Variants in LUZP2 observed in about 807,000 individuals in gnomAD.
LUZP2 encodes leucine zipper protein 2.
LUZP2 carries 52 observed loss-of-function variants against 51.6 expected under a neutral mutation model. The observed-to-expected ratio is 1.01, with a 90% CI of 0.81 to 1.27. The LOEUF is 1.27. Among genes scored for constraint, LUZP2 ranks in the 50% most tolerant of loss-of-function variants. The pLI is 0.00. For synonymous variants in LUZP2, 154 were observed against 137.3 expected, an observed-to-expected ratio of 1.12 and a Z score of -0.85; for missense variants, 436 against 395.4, an observed-to-expected ratio of 1.10 and a Z score of -0.87.
At chr11:24,662,349 A>C (rs931502138) in intron 1 of LUZP2, among the ~76,000 whole-genome samples, 2 of 152,170 alleles carry the variant, frequency 1.3e-5, no homozygotes, top group Non-Finnish European at 2.9e-5. Flanking sequence ...ATGTAGAGAA[A>C]TATTAAAAGG....
chr11:24,732,826 A>G (rs1462732219), intron 3 of LUZP2, among the ~76,000 whole-genome samples: 1 of 151,714 alleles, frequency 6.6e-6, no homozygotes, highest in East Asian at 1.9e-4. Context: ...AGGTTTGTAT[A>G]TATTTTCTTG....
Position 24,995,008 on chromosome 11 carries a change from C to T in LUZP2, c.765+11715C>T, listed in dbSNP as rs77632791. ...TTACACAAATAAGAATACCATAAAA[C>T]GTTTTATTTTCATTTTTCATTGTCA... On this transcript the variant is annotated intron_variant, in intron 9 of 11. Transcript: ENST00000336930. Among the ~76,000 whole-genome samples, 444 of 152,178 alleles carry T rather than the reference C, an allele frequency of 2.9e-3. 3 individuals carry two copies. The highest frequency in any genetic ancestry group is 1.0e-2 in the African/African-American group (414 of 41,526).
intron 5 of LUZP2, among the ~76,000 whole-genome samples, chr11:24,789,076 G>A (rs1252529131): frequency 6.6e-6 from 1 of 152,156 alleles, no homozygotes; most frequent in Non-Finnish European, 1.5e-5. Flanking sequence ...CTTCCATGCT[G>A]CATAGTGTTC....
chr11:24,679,585 T>C (rs1306414640), intron 1 of LUZP2, among the ~76,000 whole-genome samples: 2 of 152,266 alleles, frequency 1.3e-5, no homozygotes, highest in Non-Finnish European at 2.9e-5. Flanking sequence ...ATTTTAAAAA[T>C]CCTTTATTTT....
chr11:24,800,679 C>G (rs1458721579), intron 5 of LUZP2, among the ~76,000 whole-genome samples: 1 of 151,970 alleles, frequency 6.6e-6, no homozygotes, highest in African/African-American at 2.4e-5. Flanking sequence ...GACTGAGCAG[C>G]GCTGGACAAA....
At chr11:25,056,724 G>A (rs1050180694) in intron 10 of LUZP2, among the ~76,000 whole-genome samples, 6 of 152,068 alleles carry the variant, frequency 3.9e-5, no homozygotes, top group African/African-American at 7.2e-5. Context: ...TTATTAATCC[G>A]TTGGTCAGGT....
rs1855888616 is a variant in LUZP2 at position 24,976,648 on chromosome 11, A to G, written c.580A>G (p.Lys194Glu). The change falls in exon 8 of 12, where the codon AAA becomes GAA. Residue 194 changes from lysine to glutamate, a missense_variant. Physicochemically the swap from Lys to Glu is moderately conservative, Grantham distance 56. Transcript: ENST00000336930. ...AGCTGTAGCCAAAAATGAACTGGAG[A>G]AAGCAGCTCTTGACAGGGTAAGTCT... ...KLAVAKNELE[K>E]AALDRESQMK... 12 of 1,592,972 alleles carry G rather than the reference A, an allele frequency of 7.5e-6. No individual in the cohort carries two copies. Among genetic ancestry groups the G allele is most frequent in the Admixed American group, 1.8e-5 (1 of 56,878 alleles).
rs148066987 is a variant in LUZP2 at position 24,743,091 on chromosome 11, T to A, written c.333+4789T>A. On this transcript the variant is annotated intron_variant, in intron 4 of 11. Transcript: ENST00000336930. ...ACCAATACTATGCTGTTTTTGTGAC[T>A]ATGGGCTTATAGTTTGAAATCAGGT... is the stretch of plus-strand genomic sequence containing the variant. Among the ~76,000 whole-genome samples, 1,134 of 152,104 alleles carry A rather than the reference T, an allele frequency of 7.5e-3. 8 individuals carry two copies. The highest frequency in any genetic ancestry group is 0.026 in the African/African-American group (1,079 of 41,546).
intron 1 of LUZP2, among the ~76,000 whole-genome samples, chr11:24,674,028 A>T (rs1222769917): frequency 1.3e-5 from 2 of 152,178 alleles, no homozygotes; most frequent in Non-Finnish European, 2.9e-5. Context: ...AATTAATGAA[A>T]CTATTTTTTA....
intron 1 of LUZP2, among the ~76,000 whole-genome samples, chr11:24,680,297 T>G (rs929650320): frequency 3.3e-5 from 5 of 152,222 alleles, no homozygotes; most frequent in Non-Finnish European, 7.3e-5. Flanking sequence ...GTGCTGCTTC[T>G]GTAGCAGCAC....
chr11:24,545,247 T>G (rs576569436), intron 1 of LUZP2, among the ~76,000 whole-genome samples: 1 of 152,078 alleles, frequency 6.6e-6, no homozygotes, highest in Non-Finnish European at 1.5e-5. Context: ...ACTCTCTTGA[T>G]AGTTTCTTTT....
intron 5 of LUZP2, among the ~76,000 whole-genome samples, chr11:24,866,469 A>C (rs1452676548): frequency 1.3e-5 from 2 of 152,192 alleles, no homozygotes; most frequent in African/African-American, 4.8e-5. Context: ...AGTTTCTTTC[A>C]GAAACAAAAT....
At chr11:24,511,667 G>A (rs1278533960) in intron 1 of LUZP2, among the ~76,000 whole-genome samples, 1 of 152,120 alleles carries the variant, frequency 6.6e-6, no homozygotes, top group Non-Finnish European at 1.5e-5. Context: ...TACTTTAAAG[G>A]CAAAGTTCAT....
chr11:24,663,524 G>A (rs1856095030), intron 1 of LUZP2, among the ~76,000 whole-genome samples: 1 of 152,158 alleles, frequency 6.6e-6, no homozygotes, highest in Non-Finnish European at 1.5e-5. Context: ...ATTGTGTAGT[G>A]TGACTTTCTT....
chr11:24,569,874 A>G (rs1358339046), intron 1 of LUZP2, among the ~76,000 whole-genome samples: 1 of 123,112 alleles, frequency 8.1e-6, no homozygotes, highest in Non-Finnish European at 1.7e-5. Context: ...AAATATTTAT[A>G]AGTAATTATG....
At chr11:24,830,391 T>G (rs373125944) in intron 5 of LUZP2, among the ~76,000 whole-genome samples, 7 of 152,016 alleles carry the variant, frequency 4.6e-5, no homozygotes, top group South Asian at 2.1e-4. Flanking sequence ...ATTGTCCATA[T>G]GTTGTAATTG....
chr11:24,907,583 AG>A (rs1565090805), intron 6 of LUZP2, among the ~76,000 whole-genome samples: 1 of 152,126 alleles, frequency 6.6e-6, no homozygotes, highest in Non-Finnish European at 1.5e-5. Context: ...TGGTTTGTGC[AG>A]GTTGTGAGTA....
intron 1 of LUZP2, among the ~76,000 whole-genome samples, chr11:24,634,785 G>A (rs914497562): frequency 5.9e-5 from 9 of 151,994 alleles, no homozygotes; most frequent in African/African-American, 1.9e-4. Flanking sequence ...AATTAAAGGC[G>A]GTACTGGATT....
At chr11:24,553,277 T>C (rs60897739) in intron 1 of LUZP2, among the ~76,000 whole-genome samples, 5,977 of 152,018 alleles carry the variant, frequency 0.039, 360 homozygotes, top group African/African-American at 0.14. Context: ...GAAAGTAGCT[T>C]ATATGAAGAC....
Sources: allele counts gnomAD v4.1 joint callset (sites outside exome capture counted in the v4.1 genomes callset), GRCh38; gene constraint gnomAD v4.1.1; transcripts MANE v1.5; gene names NCBI Gene and HGNC (gene_info 2026-07-23, HGNC 2026-07-21).